Variants in THSD4 observed in about 807,000 individuals in gnomAD.
The protein encoded by THSD4 is thrombospondin type-1 domain-containing protein 4.
In THSD4, 69 loss-of-function variants were observed where a neutral mutation model predicts 119.0. That is an observed-to-expected ratio of 0.58 (90% CI 0.48 to 0.71). The LOEUF (loss-of-function observed/expected upper bound fraction) is 0.71, where lower values mean the gene tolerates loss of function less well. Ranked by LOEUF, THSD4 falls within the 30% of genes least tolerant of loss-of-function variation. THSD4 has a pLI of 0.00. For missense variants in THSD4, 1,393 were observed against 1,391.1 expected, an observed-to-expected ratio of 1.00 and a Z score of -0.02; for synonymous variants, 524 against 540.4, an observed-to-expected ratio of 0.97 and a Z score of 0.42.
At chr15:71,733,288 A>C (rs2053017856) in intron 10 of THSD4, 1 of 152,172 alleles carries the variant, frequency 6.6e-6, no homozygotes, top group Admixed American at 6.5e-5. Context: ...CTGGAGGCAG[A>C]GTTGGAATCC....
At chr15:71,290,119 G>A (rs1013034441) in intron 6 of THSD4, among the ~76,000 whole-genome samples, 1 of 152,148 alleles carries the variant, frequency 6.6e-6, no homozygotes, top group Non-Finnish European at 1.5e-5. Context: ...TTTTGCTTGG[G>A]ATCCAGCTGC....
intron 7 of THSD4, 60 bp from the exon 8 acceptor site, chr15:71,660,470 T>G: frequency 6.2e-7 from 1 of 1,600,940 alleles, no homozygotes; most frequent in Non-Finnish European, 8.5e-7. Flanking sequence ...TCTTCTCCCT[T>G]CCTTCCTCTG....
At chr15:71,118,597 C>G (rs2040382801) in intron 1 of THSD4, among the ~76,000 whole-genome samples, 2 of 136,198 alleles carry the variant, frequency 1.5e-5, no homozygotes, top group South Asian at 4.7e-4. Flanking sequence ...AAGCACATGA[C>G]TATTTGCCTG....
intron 7 of THSD4, among the ~76,000 whole-genome samples, chr15:71,634,420 C>T (rs999870467): frequency 2.6e-5 from 4 of 152,092 alleles, no homozygotes; most frequent in African/African-American, 7.2e-5. Context: ...ATGAGAGTGT[C>T]GGAAATGAAT....
chr15:71,743,454 C>G (rs1354517535), intron 11 of THSD4, among the ~76,000 whole-genome samples: 1 of 152,170 alleles, frequency 6.6e-6, no homozygotes, highest in African/African-American at 2.4e-5. Flanking sequence ...AAGCTGTGAA[C>G]CATGTATTCA....
rs750674671 is a variant in THSD4, at chr15:71,321,617, TC to T, written c.1015+64905del. 1.6e-3 allele frequency among the ~76,000 whole-genome samples: 242 copies of T among 152,304 alleles called. 1 individual carries two copies. The highest frequency in any genetic ancestry group is 3.9e-3 in the Admixed American group (59 of 15,296). On this transcript the variant is annotated intron_variant, in intron 6 of 17. Transcript: ENST00000261862. ...AGAATCTTTTAAAATTGTTTTCCCTTCCCTGCAGCATTTTGAAATCATATTC... is the reference window on the plus strand; with the variant it reads ...AGAATCTTTTAAAATTGTTTTCCCTTCCTGCAGCATTTTGAAATCATATTC...
chr15:71,754,102 G>T (rs1302515888), intron 14 of THSD4, among the ~76,000 whole-genome samples: 5 of 115,328 alleles, frequency 4.3e-5, no homozygotes, highest in African/African-American at 1.7e-4. Context: ...TTTTTTTTGA[G>T]ATGGAGTCTC....
chr15:71,519,402 C>T (rs2048407276), intron 7 of THSD4, among the ~76,000 whole-genome samples: 1 of 152,188 alleles, frequency 6.6e-6, no homozygotes, highest in Non-Finnish European at 1.5e-5. Flanking sequence ...CACTCTGTCA[C>T]CCAAGCTGGA....
upstream of THSD4, chr15:71,111,136 G>A: frequency 1.9e-6 from 3 of 1,599,370 alleles, no homozygotes; most frequent in Non-Finnish European, 2.6e-6. Context: ...CTTGTACCAG[G>A]TAACAAGAAC....
At chr15:71,351,130 A>G (rs4777371) in intron 6 of THSD4, among the ~76,000 whole-genome samples, 39,314 of 152,088 alleles carry the variant, frequency 0.26, 5,853 homozygotes, top group Middle Eastern at 0.39. Context: ...GCAGAAGTCC[A>G]TCTGCATTCT....
chr15:71,553,433 C>T (rs982694077), intron 7 of THSD4, among the ~76,000 whole-genome samples: 2 of 151,308 alleles, frequency 1.3e-5, no homozygotes, highest in Admixed American at 6.6e-5. Flanking sequence ...TCAAGCGATT[C>T]TCCTGCCTCA....
chr15:71,661,764 G>A (rs1020075442), intron 8 of THSD4, among the ~76,000 whole-genome samples: 14 of 152,050 alleles, frequency 9.2e-5, no homozygotes, highest in African/African-American at 3.4e-4. Flanking sequence ...CAATATAAGG[G>A]AGCCATTTGT....
At chr15:71,698,694 A>G (rs996011706) in intron 8 of THSD4, among the ~76,000 whole-genome samples, 2 of 145,968 alleles carry the variant, frequency 1.4e-5, no homozygotes, top group Admixed American at 1.3e-4. Context: ...TTCTTCATCC[A>G]TTCGTCTATA....
intron 1 of THSD4, among the ~76,000 whole-genome samples, chr15:71,108,392 C>T (rs995076602): frequency 6.6e-6 from 1 of 152,186 alleles, no homozygotes; most frequent in South Asian, 2.1e-4. Flanking sequence ...CTTCTTAACT[C>T]CAAAGAAGAA....
chr15:71,486,359 C>G (rs543226276), intron 7 of THSD4, among the ~76,000 whole-genome samples: 1 of 152,150 alleles, frequency 6.6e-6, no homozygotes, highest in East Asian at 1.9e-4. Context: ...TTTCCGAGGC[C>G]CAGCTAAAAA....
In THSD4 at chr15:71,329,265, G is replaced by A. The variant is rs1317014760; in HGVS notation, c.1015+72550G>A. On this transcript the variant is annotated intron_variant, in intron 6 of 17. Coordinates refer to ENST00000261862, the MANE Select transcript of THSD4 (RefSeq NM_024817.3). ...GGAACTGGCTGCCTGGCGACAGGGAGCGGGCCAGGCTGAGTGTGAGGTCAG... is the reference window on the plus strand; with the variant it reads ...GGAACTGGCTGCCTGGCGACAGGGAACGGGCCAGGCTGAGTGTGAGGTCAG... Among the ~76,000 whole-genome samples, 10 of 152,180 alleles carry A rather than the reference G, an allele frequency of 6.6e-5. No individual in the cohort carries two copies. The East Asian group carries it at 7.7e-4, about 12-fold the overall frequency.
chr15:71,335,873 A>G (rs1378667049), intron 6 of THSD4, among the ~76,000 whole-genome samples: 5 of 152,164 alleles, frequency 3.3e-5, no homozygotes, highest in Admixed American at 6.5e-5. Flanking sequence ...CAAAGCCCCA[A>G]ACAGATGCTG....
At chr15:71,551,677 G>T (rs1207955726) in intron 7 of THSD4, among the ~76,000 whole-genome samples, 1 of 152,140 alleles carries the variant, frequency 6.6e-6, no homozygotes, top group East Asian at 1.9e-4. Context: ...AGGCACGCAG[G>T]ACCCACTTAC....
At chr15:71,218,374 G>A (rs2043951257) in intron 4 of THSD4, among the ~76,000 whole-genome samples, 1 of 152,168 alleles carries the variant, frequency 6.6e-6, no homozygotes, top group African/African-American at 2.4e-5. Context: ...TGGGAAAGAG[G>A]CTTCTTGAAA....
Sources: gnomAD v4.1 joint callset for allele counts (sites outside exome capture counted in the v4.1 genomes callset) on GRCh38, gnomAD v4.1.1 for gene constraint, MANE v1.5 for transcripts, NCBI Gene and HGNC (gene_info 2026-07-23, HGNC 2026-07-21) for gene names.